CCNJL: variants seen among roughly 807,000 people sequenced by gnomAD.
The protein encoded by CCNJL is cyclin J like.
CCNJL carries 33 observed loss-of-function variants against 33.4 expected under a neutral mutation model. The observed-to-expected ratio is 0.99, with a 90% CI of 0.75 to 1.32. The LOEUF is 1.32. Ranked by LOEUF, CCNJL falls within the 40% of genes most tolerant of loss-of-function variation. The probability of loss-of-function intolerance (pLI) is 0.00; values close to 1 mark genes in which losing one functional copy is unlikely to be tolerated. For synonymous variants in CCNJL, 227 were observed against 220.9 expected, an observed-to-expected ratio of 1.03 and a Z score of -0.24; for missense variants, 512 against 499.7, an observed-to-expected ratio of 1.02 and a Z score of -0.23.
At chr5:160,274,757 T>C (rs1387544994) in intron 3 of CCNJL, 1 of 152,462 alleles carries the variant, frequency 6.6e-6, no homozygotes, top group African/African-American at 2.4e-5. Flanking sequence ...TCCACTGCTT[T>C]TCACAGACAA....
At chr5:160,254,426 C>A in intron 5 of CCNJL, 1 of 548,420 alleles carries the variant, frequency 1.8e-6, no homozygotes, top group Admixed American at 3.3e-5. Context: ...AAGGCATGCA[C>A]CGACACTCAG....
intron 3 of CCNJL, among the ~76,000 whole-genome samples, chr5:160,278,989 GA>G (rs1762115342): frequency 6.6e-6 from 1 of 152,202 alleles, no homozygotes; most frequent in Admixed American, 6.5e-5. Flanking sequence ...CAAAGGTAGA[GA>G]AAAATCACCA....
rs912764285 is a variant in CCNJL, at chr5:160,252,441, CTTCCT to C, written c.*932_*936del. ...AGGTGGGAACTGTTTAAATCTTTGT[CTTCCT>C]TTCAACGAGCTTCTCCCTCCCTGGG... is the stretch of plus-strand genomic sequence containing the variant. On this transcript the variant is annotated 3_prime_UTR_variant, in exon 6 of 6. Transcript: ENST00000257536. The C allele has an allele frequency of 1.3e-5, 2 of 152,400 alleles. No homozygotes were observed. Among genetic ancestry groups the C allele is most frequent in the Non-Finnish European group, 2.9e-5 (2 of 68,048 alleles). The allele number at this position is 152,400 out of a possible 1,614,324, so 9.4% of individuals were successfully genotyped here.
At chr5:160,261,580 A>C (rs1475040530) in intron 3 of CCNJL, among the ~76,000 whole-genome samples, 1 of 152,138 alleles carries the variant, frequency 6.6e-6, no homozygotes, top group Non-Finnish European at 1.5e-5. Context: ...CCCAGGGTTG[A>C]GGCTCTGGCC....
chr5:160,312,342 C>G, intron 1 of CCNJL, 22 bp downstream of exon 1: 1 of 197,702 alleles, frequency 5.1e-6, no homozygotes, highest in Non-Finnish European at 1.0e-5. Context: ...ACATCCTGCC[C>G]TCGAGCCGGG....
At chr5:160,274,243 G>A (rs1761934410) in intron 3 of CCNJL, among the ~76,000 whole-genome samples, 1 of 152,036 alleles carries the variant, frequency 6.6e-6, no homozygotes, top group Admixed American at 6.5e-5. Context: ...CAGATCATTT[G>A]AGGTCAGGTG....
At chr5:160,267,504 T>TA (rs1761649672) in intron 3 of CCNJL, among the ~76,000 whole-genome samples, 1 of 152,150 alleles carries the variant, frequency 6.6e-6, no homozygotes, top group Non-Finnish European at 1.5e-5. Flanking sequence ...TTGTGTATTT[T>TA]AAAAAATGAA....
At chr5:160,296,017 T>G (rs1734851190) in intron 2 of CCNJL, among the ~76,000 whole-genome samples, 2 of 152,210 alleles carry the variant, frequency 1.3e-5, no homozygotes, top group South Asian at 4.1e-4. Context: ...GACACAATTT[T>G]TGTTCATCCC....
intron 1 of CCNJL, among the ~76,000 whole-genome samples, chr5:160,335,073 G>A (rs1387205159): frequency 6.6e-6 from 1 of 152,208 alleles, no homozygotes; most frequent in Non-Finnish European, 1.5e-5. Flanking sequence ...GACCAGCCTG[G>A]CCAACATGGT....
intron 1 of CCNJL, among the ~76,000 whole-genome samples, chr5:160,334,847 T>C (rs781340747): frequency 6.6e-6 from 1 of 152,248 alleles, no homozygotes; most frequent in Non-Finnish European, 1.5e-5. Context: ...CAAGAAAATG[T>C]GGGCTGATGA....
At position 160,250,164 on chromosome 5, in the gene CCNJL, CCTCTGTGGCACAGT is replaced by C. The variant is rs1190173168; in HGVS notation, c.*3200_*3213del. Reference sequence around the variant, plus strand: ...TGGCTGAAGGCCACAGAGGTCACAGCCTCTGTGGCACAGTCTCCCCCCGCCCCAAGAGCTTAGAA... The same window carrying C: ...TGGCTGAAGGCCACAGAGGTCACAGCCTCCCCCCGCCCCAAGAGCTTAGAA... On this transcript the variant is annotated 3_prime_UTR_variant, in exon 6 of 6. Coordinates refer to ENST00000257536, the MANE Select transcript of CCNJL (RefSeq NM_001308173.3). 1 of 152,196 alleles carries C rather than the reference CCTCTGTGGCACAGT, an allele frequency of 6.6e-6. No individual in the cohort carries two copies. The highest frequency in any genetic ancestry group is 1.5e-5 in the Non-Finnish European group (1 of 68,048). 9.4% of individuals were successfully genotyped at this position (152,196 alleles called of 1,614,324 possible). A position where few individuals can be genotyped will look rare whatever the true frequency, so the allele number is the denominator to read the frequency against.
chr5:160,330,919 C>T (rs1278097915), intron 1 of CCNJL, among the ~76,000 whole-genome samples: 11 of 152,262 alleles, frequency 7.2e-5, no homozygotes, highest in Admixed American at 7.2e-4. Flanking sequence ...TCCCAAAGTG[C>T]TGGGATTATA....
At chr5:160,312,782 C>T (rs1051220209), upstream of CCNJL, 6 of 152,182 alleles carry the variant, frequency 3.9e-5, no homozygotes, top group South Asian at 4.1e-4. Context: ...GGGCACCCCT[C>T]CGGCTTGCGC....
At chr5:160,254,561 C>G (rs896530325) in intron 5 of CCNJL, 1 of 432,078 alleles carries the variant, frequency 2.3e-6, no homozygotes, top group Admixed American at 4.2e-5. Flanking sequence ...GGGGAGGGCT[C>G]TCTTCAGGGG....
Position 160,280,632 on chromosome 5 carries a change from G to A in CCNJL, c.173C>T (p.Ala58Val), listed in dbSNP as rs1414256814. ...CAGGTAGACGGCCAGGTGCCGGGCTGCAGGGCAGAGCTGGCAGTGGCTGCT... is the reference window on the plus strand; with the variant it reads ...CAGGTAGACGGCCAGGTGCCGGGCTACAGGGCAGAGCTGGCAGTGGCTGCT... ...LLSSHCQLCP[A>V]ARHLAVYLLD... The change falls in exon 3 of 6, where the codon GCA becomes GTA. Residue 58 changes from alanine to valine, a missense_variant. Coordinates refer to ENST00000257536, the MANE Select transcript of CCNJL (RefSeq NM_001308173.3). 1 of 1,613,480 alleles carries A rather than the reference G, an allele frequency of 6.2e-7. No individual in the cohort carries two copies.
At chr5:160,290,061 G>A (rs928191647) in intron 2 of CCNJL, among the ~76,000 whole-genome samples, 8 of 152,290 alleles carry the variant, frequency 5.3e-5, no homozygotes, top group African/African-American at 1.4e-4. Flanking sequence ...GGCTAACCTC[G>A]GAGGGGTTAG....
Position 160,312,415 on chromosome 5 carries a change from G to C in CCNJL, c.-101C>G, listed in dbSNP as rs868443910. On this transcript the variant is annotated 5_prime_UTR_variant, in exon 1 of 6. Coordinates refer to ENST00000257536, the MANE Select transcript of CCNJL (RefSeq NM_001308173.3). ...CGAGCGCCGGGCCCCTCCCAGTGCC[G>C]AGCCAGCCGTGCCCTCTGGTGCCTG... 1.9e-3 allele frequency: 299 copies of C among 155,400 alleles called. 4 individuals are homozygous for C. Among genetic ancestry groups the C allele is most frequent in the Non-Finnish European group, 5.6e-4 (39 of 70,154 alleles). 9.6% of individuals were successfully genotyped at this position (155,400 alleles called of 1,614,324 possible). A position where few individuals can be genotyped will look rare whatever the true frequency, so the allele number is the denominator to read the frequency against.
At chr5:160,299,227 G>A (rs958759433) in intron 2 of CCNJL, among the ~76,000 whole-genome samples, 6 of 152,012 alleles carry the variant, frequency 3.9e-5, no homozygotes, top group African/African-American at 1.5e-4. Context: ...TCGGCTCACT[G>A]CAACCTCTGT....
intron 1 of CCNJL, among the ~76,000 whole-genome samples, chr5:160,328,265 G>A (rs929818111): frequency 6.6e-6 from 1 of 152,164 alleles, no homozygotes; most frequent in Non-Finnish European, 1.5e-5. Flanking sequence ...AAACACAGGA[G>A]GAACAGGGAT....
Sources: allele counts gnomAD v4.1 joint callset (sites outside exome capture counted in the v4.1 genomes callset), GRCh38; gene constraint gnomAD v4.1.1; transcripts MANE v1.5; gene names NCBI Gene and HGNC (gene_info 2026-07-23, HGNC 2026-07-21).